Variants in SFMBT2 observed in about 807,000 individuals in gnomAD.
The protein encoded by SFMBT2 is Scm like with four mbt domains 2.
In SFMBT2, 38 loss-of-function variants were observed where a neutral mutation model predicts 110.1. That is an observed-to-expected ratio of 0.35 (90% confidence interval 0.27 to 0.45). The LOEUF (loss-of-function observed/expected upper bound fraction) is 0.45. Among genes scored for constraint, SFMBT2 ranks in the 20% least tolerant of loss-of-function variants. SFMBT2 has a pLI of 1.00. For missense variants in SFMBT2, 1,011 were observed against 1,094.9 expected (o/e 0.92, Z 1.08); for synonymous variants, 425 against 425.4 (o/e 1.00, Z 0.01).
At chr10:7,376,890 G>C (rs181150132) in intron 2 of SFMBT2, among the ~76,000 whole-genome samples, 1 of 144,018 alleles carries the variant, frequency 6.9e-6, no homozygotes, top group Non-Finnish European at 1.5e-5. Flanking sequence ...GAAAACACCC[G>C]GCCGAGTGTG....
At chr10:7,229,809 C>A (rs183928133) in intron 9 of SFMBT2, among the ~76,000 whole-genome samples, 2,562 of 150,850 alleles carry the variant, frequency 0.017, 56 homozygotes, top group African/African-American at 0.057. Flanking sequence ...CAACCTGTGC[C>A]TCCTGGGTTC....
At chr10:7,219,706 G>A in intron 11 of SFMBT2, 1 of 323,942 alleles carries the variant, frequency 3.1e-6, no homozygotes, top group Non-Finnish European at 3.9e-6. Flanking sequence ...TGAAATCCTA[G>A]GAAAAAAAAC....
intron 2 of SFMBT2, among the ~76,000 whole-genome samples, chr10:7,377,098 G>C (rs1210735473): frequency 6.7e-6 from 1 of 148,190 alleles, no homozygotes; most frequent in African/African-American, 2.5e-5. Flanking sequence ...GAACCAGGGA[G>C]TCAGAGGTTG....
chr10:7,179,732 C>T (rs757309888), intron 16 of SFMBT2, among the ~76,000 whole-genome samples: 6 of 152,218 alleles, frequency 3.9e-5, no homozygotes, highest in African/African-American at 7.2e-5. Context: ...CACACACACG[C>T]GCTGCCACAT....
At chr10:7,230,853 A>T (rs1344780196) in intron 9 of SFMBT2, among the ~76,000 whole-genome samples, 1 of 152,122 alleles carries the variant, frequency 6.6e-6, no homozygotes, top group African/African-American at 2.4e-5. Context: ...GAATTGCTTG[A>T]ACCCGGAGGC....
intron 6 of SFMBT2, among the ~76,000 whole-genome samples, chr10:7,281,894 G>T (rs574603729): frequency 2.0e-5 from 3 of 152,104 alleles, no homozygotes; most frequent in Non-Finnish European, 4.4e-5. Context: ...CACCCAGGCT[G>T]GAGTGCAGCA....
chr10:7,339,997 T>G (rs1843840327), intron 4 of SFMBT2, among the ~76,000 whole-genome samples: 1 of 152,112 alleles, frequency 6.6e-6, no homozygotes, highest in Non-Finnish European at 1.5e-5. Context: ...GCCTTAACAC[T>G]AACCAATTCA....
At chr10:7,260,027 G>A (rs2131770564) in intron 7 of SFMBT2, among the ~76,000 whole-genome samples, 1 of 152,282 alleles carries the variant, frequency 6.6e-6, no homozygotes, top group Admixed American at 6.5e-5. Context: ...CATAAACAAT[G>A]GTGACCACAA....
intron 7 of SFMBT2, among the ~76,000 whole-genome samples, chr10:7,272,479 A>G (rs1052565688): frequency 1.2e-4 from 19 of 152,192 alleles, no homozygotes; most frequent in Admixed American, 1.0e-3. Flanking sequence ...GGGGGTTGAC[A>G]GGAGCTTAAG....
chr10:7,194,918 C>T (rs1468659141), intron 15 of SFMBT2, among the ~76,000 whole-genome samples: 1 of 152,220 alleles, frequency 6.6e-6, no homozygotes, highest in Non-Finnish European at 1.5e-5. Flanking sequence ...CCCCTCAAGA[C>T]AGGCTGAAGC....
At chr10:7,167,457 C>T (rs926136841) in intron 20 of SFMBT2, among the ~76,000 whole-genome samples, 1 of 152,148 alleles carries the variant, frequency 6.6e-6, no homozygotes, top group African/African-American at 2.4e-5. Flanking sequence ...ATAATAATCT[C>T]TGCATTTATA....
Position 7,408,127 on chromosome 10 carries a change from A to T in SFMBT2, c.-52+2734T>A, listed in dbSNP as rs2132137405. ...AATTGCGCTTGTCAGCGGCGACGTC[A>T]GGAGGACAAGGGGAGGGGTTCGCGG... On this transcript the variant is annotated intron_variant, in intron 1 of 20. Coordinates refer to ENST00000397167, the MANE Select transcript of SFMBT2 (RefSeq NM_001387889.1). The surrounding 1 kb of genome is among the most constrained non-coding windows in gnomAD (Gnocchi z 5.7). 6.6e-6 allele frequency among the ~76,000 whole-genome samples: 1 copy of T among 152,364 alleles called. No individual in the cohort carries two copies. Among genetic ancestry groups the T allele is most frequent in the African/African-American group, 2.4e-5 (1 of 41,592 alleles).
At chr10:7,260,924 C>G (rs965846261) in intron 7 of SFMBT2, among the ~76,000 whole-genome samples, 5 of 151,914 alleles carry the variant, frequency 3.3e-5, no homozygotes, top group African/African-American at 4.8e-5. Flanking sequence ...TGAGTTTGCG[C>G]AGTCTTTAAA....
At chr10:7,173,647 T>C (rs546614899) in intron 17 of SFMBT2, among the ~76,000 whole-genome samples, 2 of 152,178 alleles carry the variant, frequency 1.3e-5, no homozygotes, top group African/African-American at 2.4e-5. Context: ...AAATGTATCA[T>C]CAGCTAATGA....
At chr10:7,188,517 G>C (rs1680386705) in intron 16 of SFMBT2, 107 bp downstream of exon 16, 19 of 838,158 alleles carry the variant, frequency 2.3e-5, no homozygotes, top group Middle Eastern at 3.2e-4. Flanking sequence ...ACGTCCTTCA[G>C]TTTGTTCCAT....
In SFMBT2 at chr10:7,163,682, AC is replaced by A. The variant is rs1837613615; in HGVS notation, c.*87del. ...TGATACTTAGTGGCTGTACCATTTA[AC>A]ATATCCCGGAAAATCAAAGTTTCAG... is the stretch of plus-strand genomic sequence containing the variant. On this transcript the variant is annotated 3_prime_UTR_variant, in exon 21 of 21. Transcript: ENST00000397167. This position sits in a 1 kb window ranked among gnomAD's most constrained non-coding sequence, Gnocchi z 4.8. 2 of 1,228,124 alleles carry A rather than the reference AC, an allele frequency of 1.6e-6. No individual in the cohort carries two copies. The highest frequency in any genetic ancestry group is 2.3e-6 in the Non-Finnish European group (2 of 856,228). The allele number at this position is 1,228,124 out of a possible 1,614,324, so 76.1% of individuals were successfully genotyped here. A position where few individuals can be genotyped will look rare whatever the true frequency, so the allele number is the denominator to read the frequency against.
chr10:7,185,545 C>T (rs557782019), intron 16 of SFMBT2, among the ~76,000 whole-genome samples: 1 of 152,188 alleles, frequency 6.6e-6, no homozygotes, highest in Non-Finnish European at 1.5e-5. Context: ...CTGAGCATGA[C>T]GCACCTAACA....
chr10:7,307,486 T>G (rs992631706), intron 4 of SFMBT2, among the ~76,000 whole-genome samples: 1 of 152,210 alleles, frequency 6.6e-6, no homozygotes, highest in Non-Finnish European at 1.5e-5. Flanking sequence ...ATAAAGAGAC[T>G]AGACAAACTA....
chr10:7,299,057 CA>C (rs1842488220), intron 4 of SFMBT2, among the ~76,000 whole-genome samples: 1 of 152,090 alleles, frequency 6.6e-6, no homozygotes, highest in Non-Finnish European at 1.5e-5. Flanking sequence ...CTACAAAATA[CA>C]AAAATTAGCC....
Sources: allele counts gnomAD v4.1 joint callset (sites outside exome capture counted in the v4.1 genomes callset), GRCh38; gene constraint gnomAD v4.1.1; non-coding constraint Gnocchi (gnomAD v3.1); transcripts MANE v1.5; gene names NCBI Gene and HGNC (gene_info 2026-07-23, HGNC 2026-07-21).